CTIF: variants seen among roughly 807,000 people sequenced by gnomAD.
The protein encoded by CTIF is cap binding complex dependent translation initiation factor.
In CTIF, 21 loss-of-function variants were observed where a neutral mutation model predicts 66.0. That is an observed-to-expected ratio of 0.32 (90% CI 0.23 to 0.46). The LOEUF (loss-of-function observed/expected upper bound fraction) is 0.46. Ranked by LOEUF, CTIF falls within the 20% of genes least tolerant of loss-of-function variation. CTIF has a pLI of 1.00. For missense variants in CTIF, 739 were observed against 812.7 expected (o/e 0.91, Z 1.10); for synonymous variants, 345 against 326.4 (o/e 1.06, Z -0.62).
In CTIF at chr18:48,860,243, CTT is replaced by C. The variant is rs1368643678; in HGVS notation, c.*687_*688del. On this transcript the variant is annotated 3_prime_UTR_variant, in exon 12 of 12. Coordinates refer to ENST00000256413, the MANE Select transcript of CTIF (RefSeq NM_014772.3). ...TGGAGTTTGCAGTTCCACTTGCACT[CTT>C]TTGTTTATTGTGTTTTATTTTTCAA... 6 of 319,392 alleles carry C rather than the reference CTT, an allele frequency of 1.9e-5. No homozygotes were observed. The highest frequency in any genetic ancestry group is 3.7e-5 in the Non-Finnish European group (6 of 161,204). 19.8% of individuals were successfully genotyped at this position (319,392 alleles called of 1,614,324 possible).
At chr18:48,772,522 A>G (rs1334073404) in intron 9 of CTIF, among the ~76,000 whole-genome samples, 1 of 151,768 alleles carries the variant, frequency 6.6e-6, no homozygotes, top group African/African-American at 2.4e-5. Context: ...CCCTACAGCA[A>G]TGCCTCCCCT....
intron 1 of CTIF, among the ~76,000 whole-genome samples, chr18:48,604,095 C>T (rs185891860): frequency 2.6e-4 from 39 of 150,018 alleles, no homozygotes; most frequent in African/African-American, 4.6e-4. Context: ...CTGCCCACCT[C>T]GGCCTCCCAA....
intron 10 of CTIF, among the ~76,000 whole-genome samples, chr18:48,838,645 C>A (rs1371772007): frequency 1.3e-5 from 2 of 152,216 alleles, no homozygotes; most frequent in Non-Finnish European, 2.9e-5. Context: ...TCGGGGCCAA[C>A]ACAGAGTTTA....
chr18:48,619,736 C>T lies in CTIF; in HGVS notation c.171C>T (p.His57=), dbSNP rs752629499. The T allele has an allele frequency of 1.9e-6, 3 of 1,596,332 alleles. No individual in the cohort carries two copies. The highest frequency in any genetic ancestry group is 2.6e-6 in the Non-Finnish European group (3 of 1,171,906). The change falls in exon 2 of 12, where the codon CAC becomes CAT. Residue 57 remains histidine (H), a synonymous_variant. Coordinates refer to ENST00000256413, the MANE Select transcript of CTIF (RefSeq NM_014772.3). ...GCGAGAGCGAGAGGACCCAGTCCCA[C>T]ATCTCCCAGGTGAGCGCGGGCCCGG... The part of the protein sequence containing the change: ...GDGESERTQS[H]ISQWTADCSE...
intron 3 of CTIF, among the ~76,000 whole-genome samples, chr18:48,638,819 G>A (rs573531398): frequency 6.6e-5 from 10 of 152,254 alleles, no homozygotes; most frequent in African/African-American, 9.6e-5. Flanking sequence ...GAACTGAGAC[G>A]TAGCTTCATT....
intron 1 of CTIF, among the ~76,000 whole-genome samples, chr18:48,575,717 T>C (rs1354463040): frequency 6.6e-6 from 1 of 152,202 alleles, no homozygotes; most frequent in Non-Finnish European, 1.5e-5. Flanking sequence ...TCCTAAAGCC[T>C]CCCTGCCCCG....
intron 9 of CTIF, among the ~76,000 whole-genome samples, chr18:48,808,683 C>T (rs1230777274): frequency 6.6e-6 from 1 of 152,184 alleles, no homozygotes; most frequent in Non-Finnish European, 1.5e-5. Context: ...TTGTGGTCCT[C>T]AAGGGATCAT....
intron 7 of CTIF, among the ~76,000 whole-genome samples, chr18:48,726,883 T>C (rs2092391259): frequency 6.6e-6 from 1 of 152,008 alleles, no homozygotes; most frequent in East Asian, 1.9e-4. Flanking sequence ...GTGACTCACA[T>C]GCAAAATAGT....
chr18:48,757,785 G>C (rs1246333529), intron 7 of CTIF, 134 bp from the exon 8 acceptor site: 6 of 1,206,380 alleles, frequency 5.0e-6, no homozygotes, highest in Non-Finnish European at 6.9e-6. Flanking sequence ...CACGTAGAAG[G>C]TGCTCAGGAA....
chr18:48,804,716 G>A (rs2068109043), intron 9 of CTIF, among the ~76,000 whole-genome samples: 1 of 152,192 alleles, frequency 6.6e-6, no homozygotes, highest in African/African-American at 2.4e-5. Context: ...GCTGCCCTAG[G>A]TGGGTGTGTG....
intron 5 of CTIF, among the ~76,000 whole-genome samples, chr18:48,666,685 G>T (rs2091441152): frequency 6.6e-6 from 1 of 152,166 alleles, no homozygotes; most frequent in Admixed American, 6.5e-5. Flanking sequence ...AGATGGCTTT[G>T]CGCATGGAGG....
chr18:48,637,301 G>C (rs887539939), intron 3 of CTIF, among the ~76,000 whole-genome samples: 22 of 152,212 alleles, frequency 1.4e-4, no homozygotes, highest in African/African-American at 5.3e-4. Context: ...AAGGGAGGCA[G>C]CTGCTGCTCT....
intron 9 of CTIF, among the ~76,000 whole-genome samples, chr18:48,782,156 C>A (rs1479364466): frequency 2.0e-5 from 3 of 151,644 alleles, no homozygotes; most frequent in African/African-American, 7.3e-5. Context: ...GAACCAGGAC[C>A]CAGGGCAGGC....
Position 48,832,173 on chromosome 18 carries a change from C to CTTTT in CTIF, c.1527+14810_1527+14813dup, listed in dbSNP as rs61221781. Among the ~76,000 whole-genome samples the CTTTT allele has an allele frequency of 1.7e-3, 214 of 128,288 alleles. 1 individual carries two copies. Among genetic ancestry groups the CTTTT allele is most frequent in the African/African-American group, 6.5e-3 (203 of 31,438 alleles). The allele number at this position is 128,288 out of a possible 152,430, so 84.2% of individuals were successfully genotyped here. A position where few individuals can be genotyped will look rare whatever the true frequency, so the allele number is the denominator to read the frequency against. On this transcript the variant is annotated intron_variant, in intron 10 of 11. Coordinates refer to ENST00000256413, the MANE Select transcript of CTIF (RefSeq NM_014772.3). Reference sequence around the variant, plus strand: ...GCAGGGTCTGGAAAACGTGGTCCTTCTTTTTTTTTTTTTTTTAAGACAGGG... The same window carrying CTTTT: ...GCAGGGTCTGGAAAACGTGGTCCTTCTTTTTTTTTTTTTTTTTTTTAAGACAGGG...
chr18:48,839,920 T>C (rs1599143055), intron 10 of CTIF, among the ~76,000 whole-genome samples: 1 of 152,208 alleles, frequency 6.6e-6, no homozygotes, highest in South Asian at 2.1e-4. Flanking sequence ...TTCTTTCAAA[T>C]CCAATCTTCA....
chr18:48,758,496 G>T lies in CTIF; in HGVS notation c.1071+91G>T, dbSNP rs935381662. 4.8e-5 allele frequency: 70 copies of T among 1,467,926 alleles called. No homozygotes were observed. In the Middle Eastern group the frequency reaches 5.4e-4, roughly 11 times the overall value. The allele number at this position is 1,467,926 out of a possible 1,614,324, so 90.9% of individuals were successfully genotyped here. A position where few individuals can be genotyped will look rare whatever the true frequency, so the allele number is the denominator to read the frequency against. ...GTAGGTGGGCACAGTGCAGAGCCTT[G>T]TGGGTTTGAGGGTCTAGGGAGCCAT... On this transcript the variant is annotated intron_variant, in intron 8 of 11. Transcript: ENST00000256413.
intron 7 of CTIF, among the ~76,000 whole-genome samples, chr18:48,726,208 C>T (rs1380018810): frequency 6.6e-6 from 1 of 152,134 alleles, no homozygotes; most frequent in Non-Finnish European, 1.5e-5. Context: ...TGGATATGTA[C>T]GTGTGCATGT....
intron 6 of CTIF, among the ~76,000 whole-genome samples, chr18:48,682,695 C>T (rs1412393193): frequency 1.3e-5 from 2 of 152,214 alleles, no homozygotes; most frequent in African/African-American, 4.8e-5. Flanking sequence ...TGTTTGACAA[C>T]CCAGGACATG....
rs9966542 is a variant in CTIF at position 48,563,227 on chromosome 18, T to G, written c.-29+23915T>G. Among the ~76,000 whole-genome samples the G allele has an allele frequency of 4.8e-5, 3 of 63,106 alleles. No homozygotes were observed. In the East Asian group the frequency reaches 3.9e-3, roughly 82 times the overall value. 41.4% of individuals were successfully genotyped at this position (63,106 alleles called of 152,430 possible). On this transcript the variant is annotated intron_variant, in intron 1 of 11. Coordinates refer to ENST00000256413, the MANE Select transcript of CTIF (RefSeq NM_014772.3). ...TCTGCAGGGATGACACCCAGCCTCC[T>G]CCACCCTTGGGGATGTAAACTGTAC...
Sources: allele counts gnomAD v4.1 joint callset (sites outside exome capture counted in the v4.1 genomes callset), GRCh38; gene constraint gnomAD v4.1.1; transcripts MANE v1.5; gene names NCBI Gene and HGNC (gene_info 2026-07-23, HGNC 2026-07-21).